SUCLA2: variants seen among roughly 807,000 people sequenced by gnomAD.
SUCLA2 encodes succinate--CoA ligase [ADP-forming] subunit beta, mitochondrial.
A neutral mutation model predicts 54.8 loss-of-function variants in SUCLA2; 30 were observed. That is an observed-to-expected ratio of 0.55 (90% confidence interval 0.41 to 0.74). The LOEUF is 0.74. Among genes scored for constraint, SUCLA2 ranks in the 30% least tolerant of loss-of-function variants. SUCLA2 has a pLI of 0.00. For missense variants in SUCLA2, 476 were observed against 562.9 expected (o/e 0.85, Z 1.56); for synonymous variants, 172 against 188.9 (o/e 0.91, Z 0.74).
intron 6 of SUCLA2, among the ~76,000 whole-genome samples, chr13:47,956,442 A>C (rs1419395415): frequency 6.6e-6 from 1 of 152,204 alleles, no homozygotes; most frequent in Non-Finnish European, 1.5e-5. Flanking sequence ...AAACTGGAAG[A>C]AAAGGAGAAT....
chr13:47,996,425 C>CA (rs1220074927), intron 2 of SUCLA2, among the ~76,000 whole-genome samples: 1 of 151,362 alleles, frequency 6.6e-6, no homozygotes, highest in Middle Eastern at 3.2e-3. Flanking sequence ...TTTTTCATGA[C>CA]AAAAAAATGG....
At chr13:47,972,308 CA>C (rs1949973393) in intron 5 of SUCLA2, among the ~76,000 whole-genome samples, 1 of 151,982 alleles carries the variant, frequency 6.6e-6, no homozygotes, top group Admixed American at 6.6e-5. Flanking sequence ...CTGACTCAAA[CA>C]AATTGTAAAT....
Position 47,988,985 on chromosome 13 carries a change from GAAGA to G in SUCLA2, c.272-8_272-5del, listed in dbSNP as rs768475702. 1 of 1,612,320 alleles carries G rather than the reference GAAGA, an allele frequency of 6.2e-7. No individual in the cohort carries two copies. The highest frequency in any genetic ancestry group is 8.5e-7 in the Non-Finnish European group (1 of 1,179,308). ...TTTATCACGACATCTTTTGAACCTA[GAAGA>G]AAAACACTTCTATTAAATATGAAGC... On this transcript the variant is annotated splice_polypyrimidine_tract_variant and splice_region_variant and intron_variant, in intron 2 of 10. Transcript: ENST00000646932.
At chr13:47,990,947 G>A (rs888374141) in intron 2 of SUCLA2, among the ~76,000 whole-genome samples, 8 of 152,148 alleles carry the variant, frequency 5.3e-5, no homozygotes, top group East Asian at 1.9e-4. Context: ...GACCCTATGC[G>A]TAGTCAGCCA....
chr13:47,943,766 G>GTAGATATATATATATATATATATATATA, intron 10 of SUCLA2, among the ~76,000 whole-genome samples: 1 of 139,672 alleles, frequency 7.2e-6, no homozygotes, highest in Admixed American at 7.4e-5. Flanking sequence ...GTGTGTGTGT[G>GTAGATATATATATATATATATATATATA]TATATATATA....
chr13:47,989,892 T>C (rs1950136529), intron 2 of SUCLA2, among the ~76,000 whole-genome samples: 2 of 152,260 alleles, frequency 1.3e-5, no homozygotes, highest in South Asian at 2.1e-4. Context: ...TTCAGAATTC[T>C]ATGCTTGCAA....
Position 47,997,023 on chromosome 13 carries a change from C to T in SUCLA2, c.91G>A (p.Val31Ile). 4.3e-6 allele frequency: 7 copies of T among 1,614,036 alleles called. No individual in the cohort carries two copies. Among genetic ancestry groups the T allele is most frequent in the South Asian group, 1.1e-5 (1 of 91,086 alleles). The change falls in exon 2 of 11, where the codon GTT (valine) becomes ATT (isoleucine). Residue 31 changes from valine (V) to isoleucine (I), a missense_variant and splice_region_variant. By Grantham distance (29) the Val-to-Ile change is conservative. Coordinates refer to ENST00000646932, the MANE Select transcript of SUCLA2 (RefSeq NM_003850.3). ...TTAAACAATCCAGAACTTCCCAGAA[C>T]CTAGAAAGATTGGGGACATATTTAT... ...PRTAQRAAAQVLGSSGLFNNH... is the reference protein window; with the variant it reads ...PRTAQRAAAQILGSSGLFNNH...
intron 6 of SUCLA2, among the ~76,000 whole-genome samples, chr13:47,968,243 C>G (rs1277178753): frequency 6.6e-6 from 1 of 152,156 alleles, no homozygotes; most frequent in East Asian, 1.9e-4. Flanking sequence ...AGTATTTGAA[C>G]CATGACTAGT....
intron 6 of SUCLA2, among the ~76,000 whole-genome samples, chr13:47,956,104 C>T (rs552981944): frequency 2.0e-5 from 3 of 151,920 alleles, no homozygotes; most frequent in Non-Finnish European, 4.4e-5. Context: ...TGAAACCAAA[C>T]CCACAGTAAC....
At chr13:47,957,172 C>T (rs898251949) in intron 6 of SUCLA2, among the ~76,000 whole-genome samples, 1 of 152,160 alleles carries the variant, frequency 6.6e-6, no homozygotes, top group Non-Finnish European at 1.5e-5. Flanking sequence ...TATTTTCTTA[C>T]ACATTGTTAC....
chr13:47,996,335 A>AG (rs1284869726), intron 2 of SUCLA2, among the ~76,000 whole-genome samples: 9 of 151,370 alleles, frequency 5.9e-5, no homozygotes, highest in Non-Finnish European at 1.0e-4. Flanking sequence ...AAAAAAAAAA[A>AG]AAAAGAAAAG....
At chr13:47,972,357 A>G (rs1328383271) in intron 5 of SUCLA2, among the ~76,000 whole-genome samples, 2 of 152,052 alleles carry the variant, frequency 1.3e-5, no homozygotes, top group African/African-American at 4.8e-5. Flanking sequence ...AATTTGAATG[A>G]CTAAGTGATG....
chr13:48,000,902 C>A, intron 1 of SUCLA2: 1 of 1,339,686 alleles, frequency 7.5e-7, no homozygotes, highest in Non-Finnish European at 9.6e-7. Context: ...CCACTCAGAG[C>A]CCACCTGCTC....
rs923704061 is a variant in SUCLA2 at position 47,996,995 on chromosome 13, T to C, written c.119A>G (p.Asn40Ser). 3.1e-6 allele frequency: 5 copies of C among 1,613,978 alleles called. No individual in the cohort carries two copies. The highest frequency in any genetic ancestry group is 4.2e-6 in the Non-Finnish European group (5 of 1,180,012). ...TTGCTGCTGTACTTGGAGTCCATGG[T>C]TATTAAACAATCCAGAACTTCCCAG... ...QVLGSSGLFN[N>S]HGLQVQQQQQ... The change falls in exon 2 of 11, where the codon AAC becomes AGC. Residue 40 changes from asparagine to serine, a missense_variant. By Grantham distance (46) the Asn-to-Ser change is conservative. Around this residue, in one of 2 missense-constraint regions of SUCLA2, gnomAD observed 134 missense variants for 118.7 expected, o/e 1.13. Coordinates refer to ENST00000646932, the MANE Select transcript of SUCLA2 (RefSeq NM_003850.3).
chr13:47,965,494 T>TTAAAAAAAAAAAAAAAA, intron 6 of SUCLA2: 1 of 310,486 alleles, frequency 3.2e-6, no homozygotes, highest in Non-Finnish European at 5.6e-6. Flanking sequence ...ACCCCTTCTT[T>TTAAAAAAAAAAAAAAAA]AAAAAAAAAA....
intron 6 of SUCLA2, among the ~76,000 whole-genome samples, chr13:47,957,579 TAA>T (rs1266159349): frequency 6.6e-6 from 1 of 152,156 alleles, no homozygotes; most frequent in East Asian, 1.9e-4. Context: ...TCGATATAGG[TAA>T]GTGTCCCTTA....
intron 1 of SUCLA2, among the ~76,000 whole-genome samples, chr13:47,998,296 T>TAAAAAAAAAAAAAAAAAAA (rs58573331): frequency 1.5e-5 from 2 of 136,186 alleles, no homozygotes; most frequent in Non-Finnish European, 3.1e-5. Flanking sequence ...ATAAATAAGT[T>TAAAAAAAAAAAAAAAAAAA]AAAAAAAAAA....
intron 5 of SUCLA2, among the ~76,000 whole-genome samples, chr13:47,970,993 G>A (rs1046331299): frequency 3.9e-5 from 6 of 152,040 alleles, no homozygotes; most frequent in African/African-American, 1.5e-4. Context: ...TCAGGATCGC[G>A]CCACTGCACT....
At chr13:47,960,855 G>C (rs1949865189) in intron 6 of SUCLA2, among the ~76,000 whole-genome samples, 2 of 152,308 alleles carry the variant, frequency 1.3e-5, no homozygotes, top group Admixed American at 1.3e-4. Context: ...ATGAGACACA[G>C]GGCCAGAAGT....
Sources: gnomAD v4.1 joint callset for allele counts (sites outside exome capture counted in the v4.1 genomes callset) on GRCh38, gnomAD v4.1.1 for gene constraint, gnomAD v4.1.1 regional missense constraint, MANE v1.5 for transcripts, NCBI Gene and HGNC (gene_info 2026-07-23, HGNC 2026-07-21) for gene names.